IRX5: variants seen among roughly 807,000 people sequenced by gnomAD.
IRX5 encodes iroquois-class homeodomain protein IRX-5.
In IRX5, 8 loss-of-function variants were observed where a neutral mutation model predicts 37.6. That is an observed-to-expected ratio of 0.21 (90% CI 0.12 to 0.38). The LOEUF is 0.38. Ranked by LOEUF, IRX5 falls within the 10% of genes least tolerant of loss-of-function variation. IRX5 has a pLI of 1.00. For missense variants in IRX5, 635 were observed against 695.2 expected, an observed-to-expected ratio of 0.91 and a Z score of 0.97; for synonymous variants, 359 against 328.6, an observed-to-expected ratio of 1.09 and a Z score of -1.00.
Position 54,933,575 on chromosome 16 carries a change from C to T in IRX5, c.1154C>T (p.Ser385Leu), listed in dbSNP as rs770983369. 3 of 1,608,944 alleles carry T rather than the reference C, an allele frequency of 1.9e-6. No homozygotes were observed. Among genetic ancestry groups the T allele is most frequent in the African/African-American group, 1.3e-5 (1 of 74,934 alleles). Residue 385 changes from serine to leucine, a missense_variant, in exon 3 of 3, where the codon TCG (serine) becomes TTG (leucine). Transcript: ENST00000394636. ...RASPAPAPSR[S>L]PSAQCPFPGG... Reference sequence around the variant, plus strand: ...TCGCCGGCCCCGGCGCCGTCACGCTCGCCCTCGGCGCAGTGTCCTTTTCCA... The same window carrying T: ...TCGCCGGCCCCGGCGCCGTCACGCTTGCCCTCGGCGCAGTGTCCTTTTCCA...
chr16:54,931,482 G>T, intron 1 of IRX5, 35 bp downstream of exon 1: 1 of 1,511,508 alleles, frequency 6.6e-7, no homozygotes, highest in East Asian at 2.5e-5. Flanking sequence ...GCGAGGGGCA[G>T]CAGGGGCCGG....
Position 54,933,511 on chromosome 16 carries a change from G to A in IRX5, c.1090G>A (p.Gly364Arg), listed in dbSNP as rs1396997505. The A allele has an allele frequency of 5.0e-6, 8 of 1,610,262 alleles. No individual in the cohort carries two copies. Among genetic ancestry groups the A allele is most frequent in the Non-Finnish European group, 6.8e-6 (8 of 1,178,638 alleles). ...NEGSPCPPCP[G>R]PIAGQALGGS... is the part of the protein sequence containing the mutation. ...GGGCTCTCCATGCCCACCGTGTCCCGGGCCCATAGCCGGGCAAGCCCTAGG... is the reference window on the plus strand; with the variant it reads ...GGGCTCTCCATGCCCACCGTGTCCCAGGCCCATAGCCGGGCAAGCCCTAGG... The change falls in exon 3 of 3, where the codon GGG becomes AGG. Residue 364 changes from glycine (G) to arginine (R), a missense_variant. Around this residue, in one of 5 missense-constraint regions of IRX5, gnomAD observed 188 missense variants for 200.8 expected, o/e 0.94. Coordinates refer to ENST00000394636, the MANE Select transcript of IRX5 (RefSeq NM_005853.6).
chr16:54,934,183 C>T lies in IRX5; in HGVS notation c.*310C>T. The T allele has an allele frequency of 4.9e-6, 1 of 204,752 alleles. No homozygotes were observed. The allele number at this position is 204,752 out of a possible 1,614,324, so 12.7% of individuals were successfully genotyped here. A position where few individuals can be genotyped will look rare whatever the true frequency, so the allele number is the denominator to read the frequency against. ...TTTGAAGTAAATTATGAAATCAAGACACCTGTACAGGCATTTAATGTTTTT... is the reference window on the plus strand; with the variant it reads ...TTTGAAGTAAATTATGAAATCAAGATACCTGTACAGGCATTTAATGTTTTT... On this transcript the variant is annotated 3_prime_UTR_variant, in exon 3 of 3. Transcript: ENST00000394636.
chr16:54,931,563 GCC>G, intron 1 of IRX5, 116 bp downstream of exon 1: 1 of 1,355,666 alleles, frequency 7.4e-7, no homozygotes, highest in Non-Finnish European at 9.7e-7. Context: ...AAGCTTCGCG[GCC>G]CCTTCAAACT....
chr16:54,932,624 G>A lies in IRX5; in HGVS notation c.376G>A (p.Ala126Thr). 2 of 1,614,060 alleles carry A rather than the reference G, an allele frequency of 1.2e-6. No individual in the cohort carries two copies. Among genetic ancestry groups the A allele is most frequent in the Non-Finnish European group, 8.5e-7 (1 of 1,180,016 alleles). ...GAAGAACGCCACAAGGGACGCCACG[G>A]CTACCCTCAAGGCCTGGCTCAACGA... is the stretch of plus-strand genomic sequence containing the variant. ...YRKNATRDAT[A>T]TLKAWLNEHR... Residue 126 changes from alanine (A) to threonine (T), a missense_variant, in exon 2 of 3, where the codon GCT (alanine) becomes ACT (threonine). Ala to Thr is a moderately conservative substitution (Grantham distance 58). Coordinates refer to ENST00000394636, the MANE Select transcript of IRX5 (RefSeq NM_005853.6). This position sits in a 1 kb window ranked among gnomAD's most constrained non-coding sequence, Gnocchi z 6.7.
Position 54,933,685 on chromosome 16 carries a change from C to A in IRX5, c.1264C>A (p.His422Asn). 6.2e-7 allele frequency: 1 copy of A among 1,613,664 alleles called. No individual in the cohort carries two copies. Among genetic ancestry groups the A allele is most frequent in the Non-Finnish European group, 8.5e-7 (1 of 1,179,800 alleles). ...YTNYGSFGHL[H>N]GHPGPGPGPT... ...GAACTATGGCTCCTTCGGACACCTTCATGGCCACCCGGGGCCCGGGCCAGG... is the reference window on the plus strand; with the variant it reads ...GAACTATGGCTCCTTCGGACACCTTAATGGCCACCCGGGGCCCGGGCCAGG... Residue 422 changes from histidine to asparagine, a missense_variant, in exon 3 of 3, where the codon CAT becomes AAT. This residue lies in a region of IRX5 where 188 missense variants were observed against 200.8 expected (regional missense o/e 0.94). Transcript: ENST00000394636.
rs1354723110 is a variant in IRX5, at chr16:54,932,246, T to C, written c.250-252T>C. Reference sequence around the variant, plus strand: ...CCCGGGCAGATGGGGGCCTACGGGGTGACACCGAGGCCGGGACAGCTTCAG... The same window carrying C: ...CCCGGGCAGATGGGGGCCTACGGGGCGACACCGAGGCCGGGACAGCTTCAG... On this transcript the variant is annotated intron_variant, in intron 1 of 2. Coordinates refer to ENST00000394636, the MANE Select transcript of IRX5 (RefSeq NM_005853.6). The surrounding 1 kb of genome is among the most constrained non-coding windows in gnomAD (Gnocchi z 6.7). 1.5e-6 allele frequency: 1 copy of C among 682,560 alleles called. No homozygotes were observed. The highest frequency in any genetic ancestry group is 1.5e-5 in the South Asian group (1 of 65,932). 42.3% of individuals were successfully genotyped at this position (682,560 alleles called of 1,614,324 possible). A position where few individuals can be genotyped will look rare whatever the true frequency, so the allele number is the denominator to read the frequency against.
In IRX5 at chr16:54,932,420, A is replaced by G; in HGVS notation, c.250-78A>G. The G allele has an allele frequency of 1.3e-6, 2 of 1,486,870 alleles. No individual in the cohort carries two copies. 92.1% of individuals were successfully genotyped at this position (1,486,870 alleles called of 1,614,324 possible). ...TCCACCCACAGACCCCGGGGAGCGC[A>G]GGGAAAAGGGTGCTTCGGTCGTTCC... On this transcript the variant is annotated intron_variant, in intron 1 of 2. Transcript: ENST00000394636. The surrounding 1 kb of genome is among the most constrained non-coding windows in gnomAD (Gnocchi z 6.7).
Position 54,933,641 on chromosome 16 carries a change from C to T in IRX5, c.1220C>T (p.Pro407Leu). 2 of 1,610,012 alleles carry T rather than the reference C, an allele frequency of 1.2e-6. No homozygotes were observed. Among genetic ancestry groups the T allele is most frequent in the Non-Finnish European group, 1.7e-6 (2 of 1,176,906 alleles). The change falls in exon 3 of 3, where the codon CCC becomes CTC. Residue 407 changes from proline (P) to leucine (L), a missense_variant. By Grantham distance (98) the Pro-to-Leu change is moderately conservative. Transcript: ENST00000394636. ...VLSRPLYYTA[P>L]FYPGYTNYGS... The stretch of plus-strand genomic sequence containing the variant: ...TCCCGGCCTCTCTACTACACCGCGC[C>T]CTTCTATCCCGGCTACACGAACTAT...
rs1395613643 is a variant in IRX5, at chr16:54,933,729, G to A, written c.1308G>A (p.Gly436=). 4 of 1,614,062 alleles carry A rather than the reference G, an allele frequency of 2.5e-6. No individual in the cohort carries two copies. The highest frequency in any genetic ancestry group is 2.2e-5 in the East Asian group (1 of 44,846). The change falls in exon 3 of 3, where the codon GGG becomes GGA. Residue 436 remains glycine (G), a synonymous_variant. Transcript: ENST00000394636. ...GGCCAGGCCCCACAACCGGTCCGGG[G>A]TCTCATTTCAATGGATTAAACCAGA... ...GPGPGPTTGP[G]SHFNGLNQTV...
rs781126921 is a variant in IRX5, at chr16:54,933,725, C to T, written c.1304C>T (p.Pro435Leu). The T allele has an allele frequency of 5.0e-6, 8 of 1,614,028 alleles. No individual in the cohort carries two copies. The highest frequency in any genetic ancestry group is 6.8e-6 in the Non-Finnish European group (8 of 1,180,020). The change falls in exon 3 of 3, where the codon CCG becomes CTG. Residue 435 changes from proline to leucine, a missense_variant. Coordinates refer to ENST00000394636, the MANE Select transcript of IRX5 (RefSeq NM_005853.6). ...CCCGGGCCAGGCCCCACAACCGGTC[C>T]GGGGTCTCATTTCAATGGATTAAAC... ...PGPGPGPTTG[P>L]GSHFNGLNQT...
chr16:54,931,475 A>T, intron 1 of IRX5, 28 bp downstream of exon 1: 3 of 1,515,892 alleles, frequency 2.0e-6, no homozygotes, highest in South Asian at 1.2e-5. Flanking sequence ...GCGGCGGGCG[A>T]GGGGCAGCAG....
rs1963893423 is a variant in IRX5 at position 54,931,319 on chromosome 16, T to A, written c.121T>A (p.Ser41Thr). ...CACGGATGAGCTCGGCCGCTCTTCTTCGGGCTCCGCGTTCTCGCCCTACGC... is the reference window on the plus strand; with the variant it reads ...CACGGATGAGCTCGGCCGCTCTTCTACGGGCTCCGCGTTCTCGCCCTACGC... ...PRTDELGRSS[S>T]GSAFSPYAGS... Residue 41 changes from serine to threonine, a missense_variant, in exon 1 of 3, where the codon TCG becomes ACG. By Grantham distance (58) the Ser-to-Thr change is moderately conservative. This residue lies in a region of IRX5 where 145 missense variants were observed against 152.4 expected (regional missense o/e 0.95). Transcript: ENST00000394636. 2 of 1,611,894 alleles carry A rather than the reference T, an allele frequency of 1.2e-6. No homozygotes were observed. Among genetic ancestry groups the A allele is most frequent in the Admixed American group, 3.3e-5 (2 of 59,986 alleles).
At position 54,933,465 on chromosome 16, in the gene IRX5, G is replaced by C. The variant is rs1157006378; in HGVS notation, c.1044G>C (p.Lys348Asn). The change falls in exon 3 of 3, where the codon AAG becomes AAC. Residue 348 changes from lysine to asparagine, a missense_variant. By Grantham distance (94) the Lys-to-Asn change is moderately conservative (BLOSUM62 0). Coordinates refer to ENST00000394636, the MANE Select transcript of IRX5 (RefSeq NM_005853.6). The stretch of plus-strand genomic sequence containing the variant: ...TCGCCACATCGTCGGACAAGGTCAA[G>C]GACGGGGGCGGCGGGAACGAGGGCT... Reference protein sequence around the residue: ...AEIATSSDKVKDGGGGNEGSP... With the variant: ...AEIATSSDKVNDGGGGNEGSP... 6.2e-7 allele frequency: 1 copy of C among 1,612,016 alleles called. No homozygotes were observed. The highest frequency in any genetic ancestry group is 1.3e-5 in the African/African-American group (1 of 75,042).
chr16:54,932,273 G>T lies in IRX5; in HGVS notation c.250-225G>T. 1.5e-6 allele frequency: 1 copy of T among 667,696 alleles called. No individual in the cohort carries two copies. The allele number at this position is 667,696 out of a possible 1,614,324, so 41.4% of individuals were successfully genotyped here. On this transcript the variant is annotated intron_variant, in intron 1 of 2. Transcript: ENST00000394636. This position sits in a 1 kb window ranked among gnomAD's most constrained non-coding sequence, Gnocchi z 6.7. ...ACACCGAGGCCGGGACAGCTTCAGG[G>T]GCCCCAGAAGGACCTGACCCAGAAA...
At position 54,933,585 on chromosome 16, in the gene IRX5, G is replaced by T. The variant is rs377595777; in HGVS notation, c.1164G>T (p.Ala388=). Residue 388 remains alanine, a synonymous_variant, in exon 3 of 3, where the codon GCG becomes GCT. Coordinates refer to ENST00000394636, the MANE Select transcript of IRX5 (RefSeq NM_005853.6). ...PAPAPSRSPS[A]QCPFPGGTVL... is the part of the protein sequence containing the mutation. ...CGGCGCCGTCACGCTCGCCCTCGGC[G>T]CAGTGTCCTTTTCCAGGCGGGACGG... is the stretch of plus-strand genomic sequence containing the variant. The T allele has an allele frequency of 1.4e-5, 22 of 1,609,424 alleles. No homozygotes were observed. The highest frequency in any genetic ancestry group is 1.2e-4 in the African/African-American group (9 of 74,812).
chr16:54,931,566 C>T, intron 1 of IRX5, 119 bp downstream of exon 1: 4 of 1,343,592 alleles, frequency 3.0e-6, no homozygotes, highest in East Asian at 5.2e-5. Context: ...CTTCGCGGCC[C>T]CTTCAAACTT....
rs1360305574 is a variant in IRX5 at position 54,933,192 on chromosome 16, G to C, written c.771G>C (p.Ser257=). Residue 257 remains serine (S), a synonymous_variant, in exon 3 of 3, where the codon TCG becomes TCC. Coordinates refer to ENST00000394636, the MANE Select transcript of IRX5 (RefSeq NM_005853.6). ...ACTCGGATTTTAAGGAGCCGCCCTC[G>C]GAGGGCCGCCTCGACGCGCTGCAGG... The part of the protein sequence containing the change: ...LSDSDFKEPP[S]EGRLDALQGP... 5 of 1,544,076 alleles carry C rather than the reference G, an allele frequency of 3.2e-6. No individual in the cohort carries two copies. Among genetic ancestry groups the C allele is most frequent in the East Asian group, 2.4e-5 (1 of 41,602 alleles).
intron 1 of IRX5, among the ~76,000 whole-genome samples, chr16:54,931,684 G>A (rs1963899307): frequency 6.6e-6 from 1 of 152,246 alleles, no homozygotes; most frequent in Non-Finnish European, 1.5e-5. Context: ...GGGTTCTGTG[G>A]GGAGAGGTAG....
Sources: allele counts gnomAD v4.1 joint callset (sites outside exome capture counted in the v4.1 genomes callset), GRCh38; gene constraint gnomAD v4.1.1; regional missense constraint gnomAD v4.1.1; non-coding constraint Gnocchi (gnomAD v3.1); transcripts MANE v1.5; gene names NCBI Gene and HGNC (gene_info 2026-07-23, HGNC 2026-07-21).